The following MICU2 variants were observed in gnomAD, a reference collection of about 807,000 sequenced individuals.
The protein encoded by MICU2 is mitochondrial calcium uptake 2, also known as calcium uptake protein 2, mitochondrial.
Under a neutral mutation model 60.4 loss-of-function variants are expected in MICU2, and 64 were observed. The observed-to-expected ratio is 1.06, with a 90% CI of 0.87 to 1.31. The LOEUF (loss-of-function observed/expected upper bound fraction) is 1.31. Among genes scored for constraint, MICU2 ranks in the 50% most tolerant of loss-of-function variants. The pLI, the probability that MICU2 is intolerant of heterozygous loss-of-function variation, is 0.00. For missense variants in MICU2, 569 were observed against 531.0 expected (o/e 1.07, Z -0.70); for synonymous variants, 201 against 175.0 (o/e 1.15, Z -1.17).
At chr13:21,535,020 G>A (rs1593331334) in intron 4 of MICU2, among the ~76,000 whole-genome samples, 1 of 152,142 alleles carries the variant, frequency 6.6e-6, no homozygotes, top group African/African-American at 2.4e-5. Flanking sequence ...CAATGAAGCT[G>A]TACAGGTACT....
chr13:21,498,272 G>A (rs886389384), intron 9 of MICU2, among the ~76,000 whole-genome samples: 6 of 151,100 alleles, frequency 4.0e-5, no homozygotes, highest in African/African-American at 1.5e-4. Context: ...ACAACATGAA[G>A]GATAAATGAT....
intron 9 of MICU2, among the ~76,000 whole-genome samples, chr13:21,502,626 CT>C (rs1886202874): frequency 6.6e-6 from 1 of 152,112 alleles, no homozygotes; most frequent in African/African-American, 2.4e-5. Context: ...TTTTTATACT[CT>C]TTTAAATAAT....
intron 2 of MICU2, 31 bp from the exon 3 acceptor site, chr13:21,539,719 C>CCAAAGAA: frequency 3.1e-6 from 5 of 1,598,764 alleles, no homozygotes; most frequent in Non-Finnish European, 4.3e-6. Context: ...TATTTAGTAT[C>CCAAAGAA]CATATTCTTT....
At chr13:21,499,731 C>T (rs1033899699) in intron 9 of MICU2, among the ~76,000 whole-genome samples, 2 of 150,932 alleles carry the variant, frequency 1.3e-5, no homozygotes, top group African/African-American at 4.9e-5. Context: ...TTCTGTACAT[C>T]TATCAGAGGC....
At chr13:21,544,714 A>AT (rs1202968013) in intron 2 of MICU2, among the ~76,000 whole-genome samples, 2 of 152,154 alleles carry the variant, frequency 1.3e-5, no homozygotes. Flanking sequence ...GTGCAGTGGC[A>AT]TGGTCATAGC....
chr13:21,533,905 A>G (rs1013842460), intron 4 of MICU2, among the ~76,000 whole-genome samples: 1 of 152,192 alleles, frequency 6.6e-6, no homozygotes, highest in African/African-American at 2.4e-5. Context: ...AATTCACATC[A>G]AAGTCAAATA....
chr13:21,530,790 AG>A, intron 4 of MICU2: 1 of 672,246 alleles, frequency 1.5e-6, no homozygotes, highest in Non-Finnish European at 2.6e-6. Flanking sequence ...CAGCAGCACC[AG>A]GAAGAGATGG....
At chr13:21,530,424 G>T (rs1450164650) in intron 4 of MICU2, among the ~76,000 whole-genome samples, 1 of 150,164 alleles carries the variant, frequency 6.7e-6, no homozygotes, top group Non-Finnish European at 1.5e-5. Context: ...CATCACTAAG[G>T]TCTTTCTCCC....
intron 4 of MICU2, among the ~76,000 whole-genome samples, chr13:21,527,678 G>A (rs1408393625): frequency 1.3e-5 from 2 of 152,252 alleles, no homozygotes; most frequent in Non-Finnish European, 2.9e-5. Context: ...CTGTTAAATG[G>A]CAATGATTCA....
At position 21,592,660 on chromosome 13, in the gene MICU2, A is replaced by G. The variant is rs575030339; in HGVS notation, c.210+11279T>C. On this transcript the variant is annotated intron_variant, in intron 1 of 11. Transcript: ENST00000382374. ...AATCCAGCAGCACATCAAAAAGTTT[A>G]TCCACCACGATCAAGTCGGTTTCAT... 4.6e-5 allele frequency among the ~76,000 whole-genome samples: 7 copies of G among 152,368 alleles called. 1 individual carries two copies. The South Asian group carries it at 1.2e-3, about 27-fold the overall frequency.
intron 1 of MICU2, among the ~76,000 whole-genome samples, chr13:21,577,167 T>G (rs1244807521): frequency 6.6e-6 from 1 of 152,220 alleles, no homozygotes; most frequent in Non-Finnish European, 1.5e-5. Flanking sequence ...GTTAACAAGA[T>G]TTTCCTAAAA....
intron 6 of MICU2, chr13:21,515,615 G>C: frequency 2.4e-6 from 1 of 420,630 alleles, no homozygotes; most frequent in South Asian, 1.7e-5. Flanking sequence ...ATCAGATGTA[G>C]ACAAAATCCC....
At chr13:21,550,536 T>G (rs1185473902) in intron 2 of MICU2, among the ~76,000 whole-genome samples, 2 of 152,132 alleles carry the variant, frequency 1.3e-5, no homozygotes, top group African/African-American at 4.8e-5. Context: ...AGACGCTATC[T>G]CTTAAACAAA....
rs141933359 is a variant in MICU2, at chr13:21,537,239, G to A, written c.466+2063C>T. ...CCTAACACTGTTAACTCCCTAGGCCGTGACTTCCTCCATTCTTCTGCCTAG... is the reference window on the plus strand; with the variant it reads ...CCTAACACTGTTAACTCCCTAGGCCATGACTTCCTCCATTCTTCTGCCTAG... On this transcript the variant is annotated intron_variant, in intron 4 of 11. Coordinates refer to ENST00000382374, the MANE Select transcript of MICU2 (RefSeq NM_152726.3). 5.1e-3 allele frequency among the ~76,000 whole-genome samples: 783 copies of A among 152,150 alleles called. 6 individuals carry two copies. Among genetic ancestry groups the A allele is most frequent in the African/African-American group, 0.015 (609 of 41,508 alleles).
Position 21,510,113 on chromosome 13 carries a change from A to G in MICU2, c.664-12T>C, listed in dbSNP as rs763198606. 4.6e-6 allele frequency: 6 copies of G among 1,309,086 alleles called. No homozygotes were observed. The highest frequency in any genetic ancestry group is 6.1e-6 in the Non-Finnish European group (6 of 978,142). The allele number at this position is 1,309,086 out of a possible 1,614,324, so 81.1% of individuals were successfully genotyped here. A position where few individuals can be genotyped will look rare whatever the true frequency, so the allele number is the denominator to read the frequency against. On this transcript the variant is annotated splice_polypyrimidine_tract_variant and intron_variant, in intron 7 of 11. Transcript: ENST00000382374. ...TTCACTATTGCTTCCTATTAAAAAA[A>G]TCACAATAATTTAAAATAATTATAA... is the stretch of plus-strand genomic sequence containing the variant.
intron 6 of MICU2, among the ~76,000 whole-genome samples, chr13:21,516,965 G>A (rs937493818): frequency 2.4e-4 from 36 of 152,232 alleles, no homozygotes; most frequent in Non-Finnish European, 7.3e-5. Flanking sequence ...TAAAACCCTG[G>A]CATGTATCCC....
chr13:21,530,375 CTT>C (rs1380293889), intron 4 of MICU2, among the ~76,000 whole-genome samples: 4 of 151,948 alleles, frequency 2.6e-5, no homozygotes, highest in African/African-American at 9.7e-5. Context: ...TCCTCATAGA[CTT>C]TGCCTAAGGG....
chr13:21,530,068 A>C (rs1322728187), intron 4 of MICU2, among the ~76,000 whole-genome samples: 1 of 151,882 alleles, frequency 6.6e-6, no homozygotes, highest in South Asian at 2.1e-4. Flanking sequence ...CAATTCTGTA[A>C]CTCTCCAGTT....
chr13:21,594,758 C>T (rs900809012), intron 1 of MICU2, among the ~76,000 whole-genome samples: 3 of 152,138 alleles, frequency 2.0e-5, no homozygotes, highest in African/African-American at 7.2e-5. Context: ...AGCCATCATC[C>T]TCAGCAAACT....
Sources: allele counts gnomAD v4.1 joint callset (sites outside exome capture counted in the v4.1 genomes callset), GRCh38; gene constraint gnomAD v4.1.1; transcripts MANE v1.5; gene names NCBI Gene and HGNC (gene_info 2026-07-23, HGNC 2026-07-21).